Variants in SGCZ observed in about 807,000 individuals in gnomAD.
SGCZ encodes the protein sarcoglycan zeta, also known as zeta-sarcoglycan.
A neutral mutation model predicts 41.3 loss-of-function variants in SGCZ; 40 were observed. The ratio of observed to expected loss-of-function variants is 0.97; its 90% CI spans 0.75 to 1.26. SGCZ has a LOEUF of 1.26. SGCZ is among the 50% of genes most tolerant of loss of function. The pLI, the probability that SGCZ is intolerant of heterozygous loss-of-function variation, is 0.00. For synonymous variants in SGCZ, 206 were observed against 137.5 expected (o/e 1.50, Z -3.49); for missense variants, 552 against 369.8 (o/e 1.49, Z -4.04).
At chr8:15,021,608 T>C (rs1486954104) in intron 1 of SGCZ, among the ~76,000 whole-genome samples, 1 of 152,172 alleles carries the variant, frequency 6.6e-6, no homozygotes, top group East Asian at 1.9e-4. Context: ...AGAAAGAAAC[T>C]AACAGTTACG....
In SGCZ at chr8:14,903,675, G is replaced by A. The variant is rs191829541; in HGVS notation, c.39+333910C>T. On this transcript the variant is annotated intron_variant, in intron 1 of 7. Transcript: ENST00000382080. ...CTGAGAATTTGAAAGAACGTCTTAT[G>A]TATTACTGGAGACTTATGTATTATT... Among the ~76,000 whole-genome samples the A allele has an allele frequency of 2.5e-3, 376 of 152,168 alleles. 5 individuals are homozygous for A. Among genetic ancestry groups the A allele is most frequent in the African/African-American group, 8.7e-3 (360 of 41,542 alleles).
chr8:15,046,392 C>T (rs1033514831), intron 1 of SGCZ, among the ~76,000 whole-genome samples: 2 of 151,992 alleles, frequency 1.3e-5, no homozygotes, highest in African/African-American at 4.8e-5. Context: ...TATTTATTCA[C>T]TTATATCAAC....
intron 1 of SGCZ, among the ~76,000 whole-genome samples, chr8:14,861,058 CGA>C (rs1343942301): frequency 6.6e-6 from 1 of 152,084 alleles, no homozygotes; most frequent in Non-Finnish European, 1.5e-5. Context: ...AGTGAGCTCA[CGA>C]TGCTTGAGAG....
At chr8:15,040,130 T>C (rs918631997) in intron 1 of SGCZ, among the ~76,000 whole-genome samples, 1 of 152,240 alleles carries the variant, frequency 6.6e-6, no homozygotes, top group Non-Finnish European at 1.5e-5. Context: ...AAATTTGTTA[T>C]TTAAATAGGT....
intron 1 of SGCZ, among the ~76,000 whole-genome samples, chr8:14,871,213 C>CA (rs978964465): frequency 4.0e-4 from 58 of 144,764 alleles, no homozygotes; most frequent in South Asian, 1.3e-3. Context: ...CTCTCAACAA[C>CA]AAAAAAAAAA....
intron 2 of SGCZ, among the ~76,000 whole-genome samples, chr8:14,371,349 C>T (rs115954265): frequency 6.6e-6 from 1 of 151,940 alleles, no homozygotes; most frequent in East Asian, 1.9e-4. Context: ...TAAATGACAA[C>T]ATTTTCTGGT....
chr8:14,737,190 T>C (rs1462413378), intron 1 of SGCZ, among the ~76,000 whole-genome samples: 1 of 146,396 alleles, frequency 6.8e-6, no homozygotes, highest in Non-Finnish European at 1.5e-5. Flanking sequence ...CATATATATA[T>C]ATGTATGATG....
intron 1 of SGCZ, among the ~76,000 whole-genome samples, chr8:14,785,890 G>C (rs1800751810): frequency 1.3e-5 from 2 of 150,794 alleles, no homozygotes; most frequent in African/African-American, 4.9e-5. Context: ...TTCTATCCCT[G>C]CTGTGCCACT....
Position 14,391,695 on chromosome 8 carries a change from C to T in SGCZ, c.235-67491G>A, listed in dbSNP as rs567616769. On this transcript the variant is annotated intron_variant, in intron 2 of 7. Coordinates refer to ENST00000382080, the MANE Select transcript of SGCZ (RefSeq NM_139167.4). ...TTGGATTTAGGGATATAGTGACGAACGGGAGTGTTTTAGTTTGTTCTAATA... is the reference window on the plus strand; with the variant it reads ...TTGGATTTAGGGATATAGTGACGAATGGGAGTGTTTTAGTTTGTTCTAATA... 8.2e-4 allele frequency among the ~76,000 whole-genome samples: 125 copies of T among 152,090 alleles called. 1 individual carries two copies. The highest frequency in any genetic ancestry group is 2.3e-3 in the African/African-American group (94 of 41,504).
chr8:14,467,295 C>G (rs886707780), intron 2 of SGCZ, among the ~76,000 whole-genome samples: 1 of 151,958 alleles, frequency 6.6e-6, no homozygotes, highest in Non-Finnish European at 1.5e-5. Flanking sequence ...GGCACTGGCC[C>G]TTTTAATTCC....
At chr8:14,215,632 T>C (rs1805967322) in intron 4 of SGCZ, among the ~76,000 whole-genome samples, 1 of 151,928 alleles carries the variant, frequency 6.6e-6, no homozygotes, top group African/African-American at 2.4e-5. Flanking sequence ...AGGCACAAAA[T>C]CACCAATATC....
intron 2 of SGCZ, among the ~76,000 whole-genome samples, chr8:14,447,456 T>C (rs1800465182): frequency 6.6e-6 from 1 of 152,102 alleles, no homozygotes; most frequent in Non-Finnish European, 1.5e-5. Flanking sequence ...AGTTAAATAT[T>C]TAAGAGAAAA....
chr8:14,099,377 G>T (rs924889724), intron 7 of SGCZ, among the ~76,000 whole-genome samples: 1 of 152,100 alleles, frequency 6.6e-6, no homozygotes, highest in African/African-American at 2.4e-5. Flanking sequence ...CCTCTACCAA[G>T]AATTCACTTA....
intron 2 of SGCZ, among the ~76,000 whole-genome samples, chr8:14,491,207 C>T (rs1287739408): frequency 6.6e-6 from 1 of 152,090 alleles, no homozygotes; most frequent in Non-Finnish European, 1.5e-5. Flanking sequence ...GTCCTCACTC[C>T]TCCAAAGCCC....
At chr8:14,833,387 T>C (rs1350516613) in intron 1 of SGCZ, among the ~76,000 whole-genome samples, 6 of 152,098 alleles carry the variant, frequency 3.9e-5, no homozygotes, top group Non-Finnish European at 4.4e-5. Context: ...AAGCCAAACA[T>C]ACAGATCTGT....
At position 14,139,298 on chromosome 8, in the gene SGCZ, G is replaced by C. The variant is rs148097274; in HGVS notation, c.547+25282C>G. ...AATTAAAAGAACTAGAGAAGCAAGA[G>C]CAAACACATTCCAAAGCTAGCAGAA... On this transcript the variant is annotated intron_variant, in intron 5 of 7. Transcript: ENST00000382080. 4.9e-3 allele frequency among the ~76,000 whole-genome samples: 745 copies of C among 152,226 alleles called. 6 individuals are homozygous for C. Among genetic ancestry groups the C allele is most frequent in the African/African-American group, 0.017 (707 of 41,528 alleles).
chr8:14,271,467 T>A (rs771887629), intron 3 of SGCZ, among the ~76,000 whole-genome samples: 4 of 152,192 alleles, frequency 2.6e-5, no homozygotes, highest in Admixed American at 2.6e-4. Context: ...TAAAATATTC[T>A]GAAGGAGATG....
chr8:15,030,962 T>G (rs148307576), intron 1 of SGCZ, among the ~76,000 whole-genome samples: 110 of 152,218 alleles, frequency 7.2e-4, no homozygotes, highest in African/African-American at 2.6e-3. Flanking sequence ...AATTTTTATT[T>G]TGGAGATTAT....
rs1801267537 is a variant in SGCZ at position 14,473,431 on chromosome 8, C to G, written c.234+81301G>C. Among the ~76,000 whole-genome samples, 3 of 151,974 alleles carry G rather than the reference C, an allele frequency of 2.0e-5. 1 individual carries two copies. The South Asian group carries it at 6.2e-4, about 32-fold the overall frequency. ...CATTAAAATATCATGAATTTTTCACCATCAACCCTAGAATAAATATTAGGC... is the reference window on the plus strand; with the variant it reads ...CATTAAAATATCATGAATTTTTCACGATCAACCCTAGAATAAATATTAGGC... On this transcript the variant is annotated intron_variant, in intron 2 of 7. Transcript: ENST00000382080.
Sources: gnomAD v4.1 joint callset for allele counts (sites outside exome capture counted in the v4.1 genomes callset) on GRCh38, gnomAD v4.1.1 for gene constraint, MANE v1.5 for transcripts, NCBI Gene and HGNC (gene_info 2026-07-23, HGNC 2026-07-21) for gene names.